The following MYO6 variants were observed in gnomAD, a reference collection of about 807,000 sequenced individuals.
The protein encoded by MYO6 is myosin VI, also known as unconventional myosin-VI.
MYO6 carries 74 observed loss-of-function variants against 178.7 expected under a neutral mutation model. That is an observed-to-expected ratio of 0.41 (90% CI 0.34 to 0.50). MYO6 has a LOEUF of 0.50. Among genes scored for constraint, MYO6 ranks in the 20% least tolerant of loss-of-function variants. The probability of loss-of-function intolerance (pLI) is 0.09; values close to 1 mark genes in which losing one functional copy is unlikely to be tolerated. For missense variants in MYO6, 1,330 were observed against 1,547.4 expected, an observed-to-expected ratio of 0.86 and a Z score of 2.36; for synonymous variants, 477 against 504.6, an observed-to-expected ratio of 0.95 and a Z score of 0.73.
Position 75,817,741 on chromosome 6 carries a change from C to A in MYO6, c.117+77C>A, listed in dbSNP as rs529319394. 1.8e-4 allele frequency: 218 copies of A among 1,210,622 alleles called. 4 individuals are homozygous for A. The East Asian group carries it at 5.0e-3, about 28-fold the overall frequency. 75.0% of individuals were successfully genotyped at this position (1,210,622 alleles called of 1,614,324 possible). On this transcript the variant is annotated intron_variant, in intron 2 of 34. Transcript: ENST00000369977. The stretch of plus-strand genomic sequence containing the variant: ...TTTTTTTCACAAGAGTAAGGTCTGT[C>A]TTCTTAATGAGGTAGATATTTGGGA...
At position 75,890,230 on chromosome 6, in the gene MYO6, A is replaced by G; in HGVS notation, c.2832A>G (p.Glu944=). ...AAAGAAAAAGACGTGAAGAAGACGAAAAACGTCGAAGAAAGGAAGAGGAGG... is the reference window on the plus strand; with the variant it reads ...AAAGAAAAAGACGTGAAGAAGACGAGAAACGTCGAAGAAAGGAAGAGGAGG... ...EKERKRREED[E]KRRRKEEEER... Residue 944 remains glutamate (E), a synonymous_variant, in exon 26 of 35, where the codon GAA becomes GAG. Transcript: ENST00000369977. 2 of 1,613,122 alleles carry G rather than the reference A, an allele frequency of 1.2e-6. No individual in the cohort carries two copies. The highest frequency in any genetic ancestry group is 1.7e-6 in the Non-Finnish European group (2 of 1,179,070).
At position 75,918,735 on chromosome 6, in the gene MYO6, C is replaced by G. The variant is rs762227830; in HGVS notation, c.*3723C>G. 1 of 152,190 alleles carries G rather than the reference C, an allele frequency of 6.6e-6. No homozygotes were observed. Among genetic ancestry groups the G allele is most frequent in the Admixed American group, 6.5e-5 (1 of 15,278 alleles). 9.4% of individuals were successfully genotyped at this position (152,190 alleles called of 1,614,324 possible). A position where few individuals can be genotyped will look rare whatever the true frequency, so the allele number is the denominator to read the frequency against. ...TTGCTAACCTAATATATGAAACAAG[C>G]TTAGCTGTCTCAGAAGTTTTTCAAG... On this transcript the variant is annotated 3_prime_UTR_variant, in exon 35 of 35. Transcript: ENST00000369977.
intron 7 of MYO6, among the ~76,000 whole-genome samples, chr6:75,839,175 T>A (rs1371568872): frequency 6.6e-6 from 1 of 151,866 alleles, no homozygotes; most frequent in Non-Finnish European, 1.5e-5. Flanking sequence ...ATGTTTATTT[T>A]TTAATTTATT....
chr6:75,840,891 G>A (rs1774152286), intron 8 of MYO6, among the ~76,000 whole-genome samples: 1 of 152,134 alleles, frequency 6.6e-6, no homozygotes, highest in Admixed American at 6.5e-5. Flanking sequence ...CTTCAGCATT[G>A]AGTATTACTG....
intron 1 of MYO6, among the ~76,000 whole-genome samples, chr6:75,786,102 T>G (rs112630915): frequency 1.1e-3 from 169 of 151,906 alleles, no homozygotes; most frequent in African/African-American, 4.0e-3. Flanking sequence ...GTGTGTGTGT[T>G]TTTTAGTAGA....
chr6:75,847,603 C>T (rs1307648070), intron 10 of MYO6, among the ~76,000 whole-genome samples: 2 of 151,958 alleles, frequency 1.3e-5, no homozygotes, highest in East Asian at 3.9e-4. Flanking sequence ...ATTTTCTTCT[C>T]ATTTTTTCTG....
chr6:75,804,852 A>G (rs1017516990), intron 1 of MYO6, among the ~76,000 whole-genome samples: 21 of 147,662 alleles, frequency 1.4e-4, no homozygotes, highest in African/African-American at 5.1e-4. Context: ...TAACATATAT[A>G]TACACATATA....
chr6:75,850,226 T>G (rs747730005), intron 11 of MYO6, among the ~76,000 whole-genome samples: 1 of 151,910 alleles, frequency 6.6e-6, no homozygotes, highest in Non-Finnish European at 1.5e-5. Flanking sequence ...CTCCTCTCAC[T>G]AGCAATAGTG....
At chr6:75,840,239 G>T (rs539162829) in intron 7 of MYO6, among the ~76,000 whole-genome samples, 1 of 147,620 alleles carries the variant, frequency 6.8e-6, no homozygotes, top group East Asian at 2.0e-4. Context: ...TCGGCTCATC[G>T]CAACCTCCGC....
At chr6:75,780,048 G>C (rs1766798371) in intron 1 of MYO6, among the ~76,000 whole-genome samples, 1 of 152,138 alleles carries the variant, frequency 6.6e-6, no homozygotes, top group South Asian at 2.1e-4. Context: ...GGACCTCTTT[G>C]AAATCTACTT....
intron 2 of MYO6, among the ~76,000 whole-genome samples, chr6:75,819,388 T>A (rs1416163950): frequency 6.6e-6 from 1 of 152,210 alleles, no homozygotes; most frequent in African/African-American, 2.4e-5. Context: ...ATTCATTGCC[T>A]AGAGATAATC....
At chr6:75,789,905 C>T (rs1014937367) in intron 1 of MYO6, among the ~76,000 whole-genome samples, 1 of 152,198 alleles carries the variant, frequency 6.6e-6, no homozygotes, top group Non-Finnish European at 1.5e-5. Flanking sequence ...CCTCCACCCT[C>T]TTTCATTGGT....
At chr6:75,769,113 G>T (rs1212048744) in intron 1 of MYO6, among the ~76,000 whole-genome samples, 1 of 152,172 alleles carries the variant, frequency 6.6e-6, no homozygotes, top group Admixed American at 6.5e-5. Flanking sequence ...TGAGGGATCT[G>T]CCTGCATGCC....
intron 1 of MYO6, among the ~76,000 whole-genome samples, chr6:75,799,228 A>G (rs903003380): frequency 1.2e-4 from 19 of 152,058 alleles, no homozygotes; most frequent in African/African-American, 4.6e-4. Context: ...CATCTCTACT[A>G]AAAATACAAA....
At position 75,826,196 on chromosome 6, in the gene MYO6, C is replaced by G. The variant is rs1772451799; in HGVS notation, c.188-2344C>G. ...CTTAGCATTTCACATTCTGGCAAGACAGGGTTGCAAATATTTTCCTCTCCC... is the reference window on the plus strand; with the variant it reads ...CTTAGCATTTCACATTCTGGCAAGAGAGGGTTGCAAATATTTTCCTCTCCC... On this transcript the variant is annotated intron_variant, in intron 3 of 34. Transcript: ENST00000369977. Among the ~76,000 whole-genome samples, 3 of 152,280 alleles carry G rather than the reference C, an allele frequency of 2.0e-5. No homozygotes were observed. In the South Asian group the frequency reaches 6.2e-4, roughly 32 times the overall value.
At chr6:75,911,559 A>T (rs551469115) in intron 32 of MYO6, 113 bp from the exon 33 acceptor site, 25 of 888,950 alleles carry the variant, frequency 2.8e-5, no homozygotes, top group Middle Eastern at 3.0e-4. Flanking sequence ...TGTGGATAGG[A>T]TATTTACTTT....
chr6:75,778,276 T>C (rs1004019284), intron 1 of MYO6, among the ~76,000 whole-genome samples: 2 of 152,178 alleles, frequency 1.3e-5, no homozygotes, highest in African/African-American at 4.8e-5. Context: ...ATTGGCTTAG[T>C]GAATATAAGT....
At chr6:75,907,973 T>G (rs752877757) in intron 31 of MYO6, among the ~76,000 whole-genome samples, 2 of 152,202 alleles carry the variant, frequency 1.3e-5, no homozygotes, top group Non-Finnish European at 2.9e-5. Context: ...CCCACATAGT[T>G]ATGTTCTTAT....
chr6:75,890,284 T>G lies in MYO6; in HGVS notation c.2867+19T>G. 6.2e-7 allele frequency: 1 copy of G among 1,613,372 alleles called. No homozygotes were observed. The highest frequency in any genetic ancestry group is 8.5e-7 in the Non-Finnish European group (1 of 1,179,514). On this transcript the variant is annotated intron_variant, in intron 26 of 34. Coordinates refer to ENST00000369977, the MANE Select transcript of MYO6 (RefSeq NM_004999.4). Reference sequence around the variant, plus strand: ...GGCGGATGTGAGGCATTTATATTATTTTGAATAAGAGACTTAAAGAAATAG... The same window carrying G: ...GGCGGATGTGAGGCATTTATATTATGTTGAATAAGAGACTTAAAGAAATAG...
Sources: gnomAD v4.1 joint callset for allele counts (sites outside exome capture counted in the v4.1 genomes callset) on GRCh38, gnomAD v4.1.1 for gene constraint, MANE v1.5 for transcripts, NCBI Gene and HGNC (gene_info 2026-07-23, HGNC 2026-07-21) for gene names.